Variants in ANKRD62 observed in about 807,000 individuals in gnomAD.
ANKRD62 encodes ankyrin repeat domain 62.
In ANKRD62, 61 loss-of-function variants were observed where a neutral mutation model predicts 98.8. That is an observed-to-expected ratio of 0.62 (90% confidence interval 0.50 to 0.76). ANKRD62 has a LOEUF of 0.76. Ranked by LOEUF, ANKRD62 falls within the 30% of genes least tolerant of loss-of-function variation. The pLI is 0.00. For synonymous variants in ANKRD62, 341 were observed against 367.9 expected (o/e 0.93, Z 0.84); for missense variants, 933 against 1,082.9 (o/e 0.86, Z 1.94).
At chr18:12,098,725 T>C (rs1568058099) in intron 5 of ANKRD62, among the ~76,000 whole-genome samples, 1 of 152,232 alleles carries the variant, frequency 6.6e-6, no homozygotes, top group South Asian at 2.1e-4. Context: ...ATATTGTTAG[T>C]ATGTATCTCA....
the ANKRD62 span, among the ~76,000 whole-genome samples, chr18:12,171,707 T>A: frequency 3.3e-5 from 5 of 152,302 alleles, no homozygotes; most frequent in Admixed American, 3.3e-4. Context: ...TTGGGGAAGT[T>A]CTCCTGGGTA....
chr18:12,095,434 C>T lies in ANKRD62; in HGVS notation c.334-3C>T. ...AGTCTATTTCTTGGTCTAATACTGA[C>T]AGGCTGTACAATGTCAAGAAGAAGT... On this transcript the variant is annotated splice_polypyrimidine_tract_variant and splice_region_variant and intron_variant, in intron 2 of 13. Transcript: ENST00000587848. The T allele has an allele frequency of 1.3e-6, 2 of 1,568,374 alleles. No individual in the cohort carries two copies. Among genetic ancestry groups the T allele is most frequent in the Non-Finnish European group, 1.7e-6 (2 of 1,161,832 alleles).
intron 9 of ANKRD62, 60 bp downstream of exon 9, chr18:12,115,181 A>G: frequency 4.5e-6 from 6 of 1,344,526 alleles, no homozygotes; most frequent in Middle Eastern, 1.9e-4. Context: ...AGATCATGGT[A>G]AAAAACAGAA....
intron 10 of ANKRD62, among the ~76,000 whole-genome samples, chr18:12,116,523 A>G (rs1909669096): frequency 6.6e-6 from 1 of 152,214 alleles, no homozygotes; most frequent in African/African-American, 2.4e-5. Flanking sequence ...CCTATCGCCA[A>G]GATATCTCAT....
chr18:12,098,107 T>C (rs1568057892), intron 5 of ANKRD62, among the ~76,000 whole-genome samples: 1 of 152,164 alleles, frequency 6.6e-6, no homozygotes, highest in Non-Finnish European at 1.5e-5. Context: ...GATATCAAAG[T>C]TTTTTCTTCT....
intron 8 of ANKRD62, among the ~76,000 whole-genome samples, chr18:12,111,327 T>C (rs1909534057): frequency 6.6e-6 from 1 of 152,022 alleles, no homozygotes; most frequent in Non-Finnish European, 1.5e-5. Context: ...TAATCACATC[T>C]CAATAGATTC....
rs1304734400 is a variant in ANKRD62, at chr18:12,115,486, G to A, written c.1192G>A (p.Asp398Asn). The change falls in exon 10 of 14, where the codon GAT (aspartate) becomes AAT (asparagine). Residue 398 changes from aspartate to asparagine, a missense_variant. Transcript: ENST00000587848. Reference protein sequence around the residue: ...SEDDELPYSDDENFMLLIEQS... With the variant: ...SEDDELPYSDNENFMLLIEQS... The stretch of plus-strand genomic sequence containing the variant: ...GGATGATGAGTTGCCTTACTCTGAT[G>A]ATGAGAATTTTATGTTACTCATTGA... The A allele has an allele frequency of 6.5e-7, 1 of 1,537,660 alleles. No homozygotes were observed. The highest frequency in any genetic ancestry group is 2.0e-5 in the Admixed American group (1 of 50,982).
chr18:12,135,431 C>A, the ANKRD62 span, among the ~76,000 whole-genome samples: 1 of 151,308 alleles, frequency 6.6e-6, no homozygotes, highest in African/African-American at 2.5e-5. Flanking sequence ...TTTTCTTAAT[C>A]CAGTCTATCA....
intron 5 of ANKRD62, 49 bp downstream of exon 5, chr18:12,097,826 T>A: frequency 6.6e-7 from 1 of 1,521,226 alleles, no homozygotes; most frequent in South Asian, 1.2e-5. Context: ...TTAAAGTCAT[T>A]GTAACCATTG....
the ANKRD62 span, among the ~76,000 whole-genome samples, chr18:12,152,107 C>T: frequency 2.8e-5 from 4 of 145,204 alleles, no homozygotes; most frequent in East Asian, 2.0e-4. Context: ...GCCCAGGACC[C>T]GATGGATTCA....
chr18:12,105,538 T>A lies in ANKRD62; in HGVS notation c.892-1757T>A, dbSNP rs567100151. Among the ~76,000 whole-genome samples, 22 of 152,310 alleles carry A rather than the reference T, an allele frequency of 1.4e-4. No individual in the cohort carries two copies. In the East Asian group the frequency reaches 3.7e-3, roughly 25 times the overall value. On this transcript the variant is annotated intron_variant, in intron 7 of 13. Transcript: ENST00000587848. ...GGTCTGGAAGATGGTCACTCTCTTC[T>A]CACAGCTCTTCTTAGAAAGAAAAAA...
chr18:12,124,832 G>C (rs1405172938), intron 12 of ANKRD62, among the ~76,000 whole-genome samples: 1 of 152,168 alleles, frequency 6.6e-6, no homozygotes, highest in Non-Finnish European at 1.5e-5. Context: ...AAATCCAGCA[G>C]CTTGCTTCTA....
chr18:12,168,574 C>T, the ANKRD62 span, among the ~76,000 whole-genome samples: 1 of 152,166 alleles, frequency 6.6e-6, no homozygotes, highest in South Asian at 2.1e-4. Context: ...AGCATGATGC[C>T]TTCAGCTTTG....
the ANKRD62 span, among the ~76,000 whole-genome samples, chr18:12,170,891 T>C: frequency 3.3e-5 from 5 of 152,196 alleles, no homozygotes; most frequent in Admixed American, 2.6e-4. Flanking sequence ...GTAATGGCCT[T>C]CTTTGTCTCT....
At chr18:12,118,863 T>C (rs929929088) in intron 10 of ANKRD62, among the ~76,000 whole-genome samples, 3 of 152,142 alleles carry the variant, frequency 2.0e-5, no homozygotes, top group Non-Finnish European at 2.9e-5. Flanking sequence ...TTATTGGTAA[T>C]ATCATTGTCT....
At chr18:12,138,131 T>C in the ANKRD62 span, among the ~76,000 whole-genome samples, 2 of 152,146 alleles carry the variant, frequency 1.3e-5, no homozygotes, top group Non-Finnish European at 2.9e-5. Flanking sequence ...CTTTTAATTG[T>C]GATGTTAGGG....
downstream of ANKRD62, among the ~76,000 whole-genome samples, chr18:12,134,223 T>C (rs1250339068): frequency 1.3e-5 from 2 of 152,222 alleles, no homozygotes; most frequent in African/African-American, 4.8e-5. Flanking sequence ...ACAGCTGCCA[T>C]GTCATTAAGC....
At chr18:12,135,492 G>A in the ANKRD62 span, among the ~76,000 whole-genome samples, 32 of 151,194 alleles carry the variant, frequency 2.1e-4, 1 homozygote, top group African/African-American at 4.4e-4. Flanking sequence ...GAATAGTGCC[G>A]CAATAAACAT....
chr18:12,169,388 A>C, the ANKRD62 span, among the ~76,000 whole-genome samples: 4 of 152,176 alleles, frequency 2.6e-5, no homozygotes, highest in Non-Finnish European at 5.9e-5. Flanking sequence ...TATTGAGATA[A>C]TCATGTGGTT....
Sources: allele counts gnomAD v4.1 joint callset (sites outside exome capture counted in the v4.1 genomes callset), GRCh38; gene constraint gnomAD v4.1.1; transcripts MANE v1.5; gene names NCBI Gene and HGNC (gene_info 2026-07-23, HGNC 2026-07-21).